MBOAT1: variants seen among roughly 807,000 people sequenced by gnomAD.
MBOAT1 encodes the protein membrane-bound glycerophospholipid O-acyltransferase 1.
In MBOAT1, 67 loss-of-function variants were observed where a neutral mutation model predicts 64.4. That is an observed-to-expected ratio of 1.04 (90% confidence interval 0.85 to 1.27). The LOEUF is 1.27. Ranked by LOEUF, MBOAT1 falls within the 50% of genes most tolerant of loss-of-function variation. The probability of loss-of-function intolerance (pLI) is 0.00; values close to 1 mark genes in which losing one functional copy is unlikely to be tolerated. For synonymous variants in MBOAT1, 229 were observed against 218.9 expected (o/e 1.05, Z -0.41); for missense variants, 563 against 604.6 (o/e 0.93, Z 0.72).
intron 12 of MBOAT1, among the ~76,000 whole-genome samples, chr6:20,107,159 TACTC>T (rs1463861343): frequency 6.6e-6 from 1 of 152,202 alleles, no homozygotes; most frequent in Non-Finnish European, 1.5e-5. Context: ...TAAATTCTGT[TACTC>T]ACCCTCTCTT....
At chr6:20,211,639 G>A (rs188945102) in intron 1 of MBOAT1, among the ~76,000 whole-genome samples, 30 of 152,126 alleles carry the variant, frequency 2.0e-4, no homozygotes, top group African/African-American at 6.7e-4. Flanking sequence ...CATCACACAC[G>A]GTACAAAATA....
At chr6:20,132,682 A>G (rs996557632) in intron 4 of MBOAT1, among the ~76,000 whole-genome samples, 1 of 152,246 alleles carries the variant, frequency 6.6e-6, no homozygotes, top group Non-Finnish European at 1.5e-5. Context: ...GGTTTCCAAA[A>G]GCACAAACAA....
chr6:20,183,129 T>C (rs1208671868), intron 1 of MBOAT1, among the ~76,000 whole-genome samples: 2 of 152,146 alleles, frequency 1.3e-5, no homozygotes, highest in Non-Finnish European at 2.9e-5. Flanking sequence ...CTCCCCTTTA[T>C]GACTCCCTCA....
chr6:20,120,092 C>G (rs540614268), intron 8 of MBOAT1, among the ~76,000 whole-genome samples: 2 of 151,720 alleles, frequency 1.3e-5, no homozygotes, highest in Non-Finnish European at 2.9e-5. Flanking sequence ...TTTAATCTTC[C>G]TAACAGTGTT....
At chr6:20,130,029 T>G (rs1760770646) in intron 5 of MBOAT1, among the ~76,000 whole-genome samples, 1 of 152,160 alleles carries the variant, frequency 6.6e-6, no homozygotes. Context: ...CAAATGAAAT[T>G]AAATCAGTTC....
chr6:20,116,225 G>C (rs923633188), intron 9 of MBOAT1, among the ~76,000 whole-genome samples: 1 of 152,034 alleles, frequency 6.6e-6, no homozygotes, highest in Non-Finnish European at 1.5e-5. Context: ...CCAGCTACTC[G>C]GGAGGCTGAG....
At chr6:20,206,795 A>T (rs149209087) in intron 1 of MBOAT1, among the ~76,000 whole-genome samples, 1 of 151,944 alleles carries the variant, frequency 6.6e-6, no homozygotes, top group African/African-American at 2.4e-5. Flanking sequence ...TGCTTGCTAC[A>T]CTCAACAGAC....
At chr6:20,110,272 A>G (rs1409422430) in intron 11 of MBOAT1, among the ~76,000 whole-genome samples, 1 of 148,438 alleles carries the variant, frequency 6.7e-6, no homozygotes, top group Admixed American at 6.8e-5. Flanking sequence ...AAGTGCAACG[A>G]TGCAATCATA....
At chr6:20,135,220 T>C (rs1760950084) in intron 4 of MBOAT1, among the ~76,000 whole-genome samples, 1 of 152,128 alleles carries the variant, frequency 6.6e-6, no homozygotes, top group African/African-American at 2.4e-5. Context: ...TTTTTCATTA[T>C]TAAAAAAAGC....
At chr6:20,138,700 C>T (rs538425177) in intron 4 of MBOAT1, among the ~76,000 whole-genome samples, 1 of 152,150 alleles carries the variant, frequency 6.6e-6, no homozygotes, top group Non-Finnish European at 1.5e-5. Context: ...CCTGTATGAT[C>T]AGGATCAGGG....
At chr6:20,110,467 C>T (rs551495688) in intron 11 of MBOAT1, among the ~76,000 whole-genome samples, 3 of 148,992 alleles carry the variant, frequency 2.0e-5, no homozygotes, top group East Asian at 2.0e-4. Flanking sequence ...CCTTCTGCCT[C>T]GGCCTCCCAA....
At chr6:20,102,628 C>A (rs1328203004) in intron 12 of MBOAT1, among the ~76,000 whole-genome samples, 2 of 152,216 alleles carry the variant, frequency 1.3e-5, no homozygotes, top group African/African-American at 4.8e-5. Context: ...CTGGGCAGGG[C>A]AAACCAACTG....
In MBOAT1 at chr6:20,188,530, T is replaced by C. The variant is rs569409639; in HGVS notation, c.99+23606A>G. 2.3e-4 allele frequency among the ~76,000 whole-genome samples: 35 copies of C among 152,246 alleles called. No individual in the cohort carries two copies. The South Asian group carries it at 7.3e-3, about 32-fold the overall frequency. On this transcript the variant is annotated intron_variant, in intron 1 of 12. Transcript: ENST00000324607. Reference sequence around the variant, plus strand: ...GGGTGAGGTTGGAGGGAAAGTTTAATAAGCAAAAGAAGAAAGCTCTCTGCC... The same window carrying C: ...GGGTGAGGTTGGAGGGAAAGTTTAACAAGCAAAAGAAGAAAGCTCTCTGCC...
chr6:20,126,751 T>C, intron 6 of MBOAT1, 51 bp from the exon 7 acceptor site: 5 of 1,349,286 alleles, frequency 3.7e-6, no homozygotes, highest in Non-Finnish European at 5.2e-6. Context: ...TTGCTTTTTC[T>C]TCAGAATCTG....
chr6:20,109,587 C>G lies in MBOAT1; in HGVS notation c.1361+11G>C. ...TTTACGAGATGGCAACTGAGAACAA[C>G]GGAAACTTACTTGTATAAGCTGATG... On this transcript the variant is annotated intron_variant, in intron 12 of 12. Coordinates refer to ENST00000324607, the MANE Select transcript of MBOAT1 (RefSeq NM_001080480.3). 1 of 1,604,346 alleles carries G rather than the reference C, an allele frequency of 6.2e-7. No homozygotes were observed. Among genetic ancestry groups the G allele is most frequent in the Non-Finnish European group, 8.5e-7 (1 of 1,173,870 alleles).
At chr6:20,197,493 G>A (rs1762990389) in intron 1 of MBOAT1, among the ~76,000 whole-genome samples, 1 of 152,110 alleles carries the variant, frequency 6.6e-6, no homozygotes, top group Non-Finnish European at 1.5e-5. Context: ...CTGCCCTATG[G>A]TTTCACTAAG....
At chr6:20,210,663 T>G (rs2113782613) in intron 1 of MBOAT1, among the ~76,000 whole-genome samples, 1 of 143,838 alleles carries the variant, frequency 7.0e-6, no homozygotes, top group African/African-American at 2.5e-5. Flanking sequence ...AAACCAGAAT[T>G]ACCTTTATAG....
In MBOAT1 at chr6:20,204,535, A is replaced by C. The variant is rs1763206551; in HGVS notation, c.99+7601T>G. ...GATAGGACGCTATGGAGAAACAGAG[A>C]GAAAGAAGGGGTCCATTTGGCCCTG... is the stretch of plus-strand genomic sequence containing the variant. On this transcript the variant is annotated intron_variant, in intron 1 of 12. Transcript: ENST00000324607. Among the ~76,000 whole-genome samples the C allele has an allele frequency of 2.6e-5, 4 of 151,928 alleles. No homozygotes were observed. In the South Asian group the frequency reaches 8.3e-4, roughly 32 times the overall value.
At chr6:20,176,662 C>T (rs999823245) in intron 1 of MBOAT1, among the ~76,000 whole-genome samples, 17 of 152,100 alleles carry the variant, frequency 1.1e-4, no homozygotes, top group Admixed American at 9.8e-4. Flanking sequence ...CTCACTCTGT[C>T]GCCCAGGCTG....
Sources: gnomAD v4.1 joint callset for allele counts (sites outside exome capture counted in the v4.1 genomes callset) on GRCh38, gnomAD v4.1.1 for gene constraint, MANE v1.5 for transcripts, NCBI Gene and HGNC (gene_info 2026-07-23, HGNC 2026-07-21) for gene names.